Variants in PHF14 observed in about 807,000 individuals in gnomAD.
PHF14 encodes PHD finger protein 14.
A neutral mutation model predicts 117.9 loss-of-function variants in PHF14; 55 were observed. The observed-to-expected ratio is 0.47, with a 90% CI of 0.38 to 0.58. PHF14 has a LOEUF of 0.58. Among genes scored for constraint, PHF14 ranks in the 20% least tolerant of loss-of-function variants. The pLI, the probability that PHF14 is intolerant of heterozygous loss-of-function variation, is 0.00. For synonymous variants in PHF14, 409 were observed against 368.6 expected (o/e 1.11, Z -1.26); for missense variants, 978 against 1,122.2 (o/e 0.87, Z 1.84).
chr7:11,057,988 T>C (rs1187890774), intron 14 of PHF14, among the ~76,000 whole-genome samples: 2 of 152,228 alleles, frequency 1.3e-5, no homozygotes, highest in East Asian at 3.9e-4. Flanking sequence ...CAGTTTGGAA[T>C]TGCACCCTTG....
chr7:10,999,682 C>G (rs1395075856), intron 4 of PHF14, among the ~76,000 whole-genome samples: 1 of 152,208 alleles, frequency 6.6e-6, no homozygotes, highest in Non-Finnish European at 1.5e-5. Context: ...AATACGACCC[C>G]TGCTTCAGAT....
chr7:10,975,584 A>G (rs1331103541), intron 2 of PHF14, among the ~76,000 whole-genome samples: 1 of 152,148 alleles, frequency 6.6e-6, no homozygotes, highest in Non-Finnish European at 1.5e-5. Flanking sequence ...TTTCCTTTGT[A>G]TTTTCTGTTC....
intron 5 of PHF14, among the ~76,000 whole-genome samples, chr7:11,017,504 C>G (rs1378430110): frequency 6.6e-6 from 1 of 151,976 alleles, no homozygotes; most frequent in Non-Finnish European, 1.5e-5. Flanking sequence ...GATTTTGAGT[C>G]CCTTTTCATA....
chr7:11,050,228 A>G (rs1784810726), intron 13 of PHF14, among the ~76,000 whole-genome samples: 1 of 152,214 alleles, frequency 6.6e-6, no homozygotes. Flanking sequence ...ACGAAATCAA[A>G]TCATAAATCT....
intron 4 of PHF14, 30 bp from the exon 5 acceptor site, chr7:11,013,717 A>T (rs758956222): frequency 2.3e-6 from 3 of 1,302,536 alleles, no homozygotes; most frequent in Non-Finnish European, 3.2e-6. Context: ...AATAAACCCT[A>T]TTTAATCATA....
intron 7 of PHF14, among the ~76,000 whole-genome samples, chr7:11,030,931 A>G (rs1784101106): frequency 6.6e-6 from 1 of 152,240 alleles, no homozygotes. Context: ...TGCATGAATC[A>G]ATATTAATGA....
intron 4 of PHF14, among the ~76,000 whole-genome samples, chr7:11,012,167 C>T (rs190681167): frequency 2.6e-5 from 4 of 152,254 alleles, no homozygotes; most frequent in Non-Finnish European, 4.4e-5. Flanking sequence ...AAGATATTGT[C>T]AATGAAGTCC....
chr7:11,056,565 G>C (rs749184100), intron 14 of PHF14, among the ~76,000 whole-genome samples: 1 of 151,856 alleles, frequency 6.6e-6, no homozygotes, highest in Non-Finnish European at 1.5e-5. Context: ...CATTCCATTG[G>C]TTGTTTATTG....
chr7:11,007,531 TAG>T (rs1783165915), intron 4 of PHF14, among the ~76,000 whole-genome samples: 1 of 152,174 alleles, frequency 6.6e-6, no homozygotes, highest in African/African-American at 2.4e-5. Flanking sequence ...CTAGTATTGC[TAG>T]AGTCTTTTGT....
At chr7:11,143,247 T>G (rs753751736) in intron 17 of PHF14, among the ~76,000 whole-genome samples, 24 of 152,258 alleles carry the variant, frequency 1.6e-4, no homozygotes, top group Non-Finnish European at 3.2e-4. Flanking sequence ...TATATAAACT[T>G]CATTTAGCAT....
intron 9 of PHF14, 77 bp from the exon 10 acceptor site, chr7:11,036,907 AT>A (rs769452013): frequency 1.1e-5 from 11 of 1,024,168 alleles, no homozygotes; most frequent in Non-Finnish European, 1.4e-5. Flanking sequence ...TATCAATGTG[AT>A]CATCTTTATA....
chr7:11,130,382 A>G lies in PHF14; in HGVS notation c.2772+18915A>G, dbSNP rs796240093. On this transcript the variant is annotated intron_variant, in intron 17 of 17. Coordinates refer to ENST00000634607, the MANE Select transcript of PHF14 (RefSeq NM_001007157.2). This position sits in a 1 kb window ranked among gnomAD's most constrained non-coding sequence, Gnocchi z 4.2. ...TTGGAGAGAGAGAGAACGTATATAC[A>G]ATTTATATGGGGGAAACTGCATAAT... Among the ~76,000 whole-genome samples the G allele has an allele frequency of 3.9e-5, 6 of 152,072 alleles. No homozygotes were observed. The highest frequency in any genetic ancestry group is 1.4e-4 in the African/African-American group (6 of 41,526).
At chr7:11,104,241 ATATTC>A (rs1227815710) in intron 16 of PHF14, 1 of 984,488 alleles carries the variant, frequency 1.0e-6, no homozygotes, top group East Asian at 1.1e-4. Flanking sequence ...GTGGTGGTGG[ATATTC>A]TATTCCACAT....
intron 17 of PHF14, among the ~76,000 whole-genome samples, chr7:11,133,000 A>G (rs1393506694): frequency 6.6e-6 from 1 of 151,950 alleles, no homozygotes; most frequent in Non-Finnish European, 1.5e-5. Flanking sequence ...GAATCTAACA[A>G]AATATACACA....
chr7:11,104,716 C>T lies in PHF14; in HGVS notation c.2655-6634C>T, dbSNP rs1015884990. On this transcript the variant is annotated intron_variant, in intron 16 of 17. Transcript: ENST00000634607. ...GATTTGTAAAAACACAGGTGACTAC[C>T]CTATTCCTCTCCTGGATCTGCCCTC... 41 of 742,204 alleles carry T rather than the reference C, an allele frequency of 5.5e-5. No individual in the cohort carries two copies. The South Asian group carries it at 1.9e-3, about 34-fold the overall frequency. 46.0% of individuals were successfully genotyped at this position (742,204 alleles called of 1,614,324 possible). A position where few individuals can be genotyped will look rare whatever the true frequency, so the allele number is the denominator to read the frequency against.
chr7:11,023,542 GC>G (rs1327015533), intron 6 of PHF14, among the ~76,000 whole-genome samples: 3 of 152,136 alleles, frequency 2.0e-5, no homozygotes, highest in African/African-American at 7.2e-5. Context: ...TTGAAATTTG[GC>G]CAATTAGGGC....
At position 10,974,257 on chromosome 7, in the gene PHF14, C is replaced by T. The variant is rs1262174776; in HGVS notation, c.-67C>T. The T allele has an allele frequency of 6.2e-6, 9 of 1,448,276 alleles. No homozygotes were observed. In the South Asian group the frequency reaches 7.2e-5, roughly 12 times the overall value. 89.7% of individuals were successfully genotyped at this position (1,448,276 alleles called of 1,614,324 possible). On this transcript the variant is annotated 5_prime_UTR_variant, in exon 1 of 18. Coordinates refer to ENST00000634607, the MANE Select transcript of PHF14 (RefSeq NM_001007157.2). ...TCTTCGCGGCCCCAGTCCCCGACCT[C>T]GGCGCTGCCTGGGCTCCTGCAGCCT...
chr7:11,088,704 A>G (rs1786519831), intron 16 of PHF14, among the ~76,000 whole-genome samples: 1 of 152,204 alleles, frequency 6.6e-6, no homozygotes, highest in Admixed American at 6.5e-5. Context: ...AGACATTTAT[A>G]GCTATAGTTA....
At chr7:11,110,064 G>C (rs1006138635) in intron 16 of PHF14, 1 of 151,736 alleles carries the variant, frequency 6.6e-6, no homozygotes, top group Non-Finnish European at 1.5e-5. Flanking sequence ...TTGGAAGATT[G>C]GACTTTTGTA....
Sources: gnomAD v4.1 joint callset for allele counts (sites outside exome capture counted in the v4.1 genomes callset) on GRCh38, gnomAD v4.1.1 for gene constraint, Gnocchi (gnomAD v3.1) non-coding constraint, MANE v1.5 for transcripts, NCBI Gene and HGNC (gene_info 2026-07-23, HGNC 2026-07-21) for gene names.